Variants in CTU1 observed in about 807,000 individuals in gnomAD.
CTU1 encodes the protein cytoplasmic tRNA 2-thiolation protein 1.
CTU1 carries 15 observed loss-of-function variants against 12.9 expected under a neutral mutation model. The observed-to-expected ratio is 1.16, with a 90% CI of 0.78 to 1.79. The LOEUF (loss-of-function observed/expected upper bound fraction) is 1.79. CTU1 is among the 40% of genes most tolerant of loss of function. CTU1 has a pLI of 0.00. For synonymous variants in CTU1, 295 were observed against 275.6 expected (o/e 1.07, Z -0.70); for missense variants, 553 against 550.5 (o/e 1.00, Z -0.05).
intron 2 of CTU1, among the ~76,000 whole-genome samples, chr19:51,100,918 A>G (rs1427769146): frequency 1.5e-4 from 20 of 137,476 alleles, no homozygotes; most frequent in Non-Finnish European, 2.5e-4. Flanking sequence ...TTTTTTTTTC[A>G]TTTTGTTTTA....
At position 51,099,014 on chromosome 19, in the gene CTU1, G is replaced by A; in HGVS notation, c.634C>T (p.Pro212Ser). ...GEGGALPRCRPLQFASQKEVV... is the reference protein window; with the variant it reads ...GEGGALPRCRSLQFASQKEVV... ...TCCTTCTGCGAGGCGAACTGCAGCG[G>A]GCGGCAGCGCGGCAGGGCGCCCCCC... is the stretch of plus-strand genomic sequence containing the variant. The change falls in exon 3 of 3, where the codon CCG becomes TCG. Residue 212 changes from proline (P) to serine (S), a missense_variant. Pro to Ser is a moderately conservative substitution (Grantham distance 74). This residue lies in a region of CTU1 where 500 missense variants were observed against 458.5 expected (regional missense o/e 1.09). Coordinates refer to ENST00000421832, the MANE Select transcript of CTU1 (RefSeq NM_145232.4). The A allele has an allele frequency of 6.6e-7, 1 of 1,520,236 alleles. No homozygotes were observed. Among genetic ancestry groups the A allele is most frequent in the Non-Finnish European group, 8.8e-7 (1 of 1,138,766 alleles). The allele number at this position is 1,520,236 out of a possible 1,614,324, so 94.2% of individuals were successfully genotyped here.
chr19:51,106,067 T>C (rs1331168274), intron 1 of CTU1, among the ~76,000 whole-genome samples: 1 of 152,168 alleles, frequency 6.6e-6, no homozygotes, highest in Non-Finnish European at 1.5e-5. Context: ...TAACAGCCAG[T>C]GGGATCATGC....
chr19:51,098,599 C>A lies in CTU1; in HGVS notation c.*2G>T. 1 of 1,286,638 alleles carries A rather than the reference C, an allele frequency of 7.8e-7. No homozygotes were observed. The highest frequency in any genetic ancestry group is 9.9e-7 in the Non-Finnish European group (1 of 1,014,518). The allele number at this position is 1,286,638 out of a possible 1,614,324, so 79.7% of individuals were successfully genotyped here. ...CAGATCCCGGCGGGAGGCCCGAAGT[C>A]GCTAGAAGGTGGGGACGGCCTTGGA... On this transcript the variant is annotated 3_prime_UTR_variant, in exon 3 of 3. Transcript: ENST00000421832. This position sits in a 1 kb window ranked among gnomAD's most constrained non-coding sequence, Gnocchi z 4.3.
chr19:51,101,799 C>T, intron 2 of CTU1, among the ~76,000 whole-genome samples: 1 of 152,142 alleles, frequency 6.6e-6, no homozygotes, highest in South Asian at 2.1e-4. Context: ...CACACCTTGT[C>T]ATTACAAACC....
At position 51,098,791 on chromosome 19, in the gene CTU1, G is replaced by A; in HGVS notation, c.857C>T (p.Ala286Val). ...GGCCAGCGCCCCACAGCGGGAGCAGGCGCCGGGGCGCGGGGGCCGCGCGGC... is the reference window on the plus strand; with the variant it reads ...GGCCAGCGCCCCACAGCGGGAGCAGACGCCGGGGCGCGGGGGCCGCGCGGC... Reference protein sequence around the residue: ...APAARPPRPGACSRCGALASR... With the variant: ...APAARPPRPGVCSRCGALASR... The change falls in exon 3 of 3, where the codon GCC (alanine) becomes GTC (valine). Residue 286 changes from alanine to valine, a missense_variant. Transcript: ENST00000421832. The surrounding 1 kb of genome is among the most constrained non-coding windows in gnomAD (Gnocchi z 4.3). 1.3e-5 allele frequency: 14 copies of A among 1,045,384 alleles called. No homozygotes were observed. Among genetic ancestry groups the A allele is most frequent in the Non-Finnish European group, 1.6e-5 (14 of 869,660 alleles). 64.8% of individuals were successfully genotyped at this position (1,045,384 alleles called of 1,614,324 possible). A position where few individuals can be genotyped will look rare whatever the true frequency, so the allele number is the denominator to read the frequency against.
At chr19:51,099,826 G>A (rs2091902965) in intron 2 of CTU1, among the ~76,000 whole-genome samples, 1 of 152,180 alleles carries the variant, frequency 6.6e-6, no homozygotes, top group African/African-American at 2.4e-5. Flanking sequence ...TTGGTTGTAG[G>A]ACAAAGGGGA....
rs148672898 is a variant in CTU1, at chr19:51,100,529, G to A, written c.509-1390C>T. The stretch of plus-strand genomic sequence containing the variant: ...CATGAGAATCTCTTGAACCTGGGAG[G>A]GAGAGGTTGCAGTGAGCCGAGATCA... On this transcript the variant is annotated intron_variant, in intron 2 of 2. Transcript: ENST00000421832. Among the ~76,000 whole-genome samples, 218 of 152,180 alleles carry A rather than the reference G, an allele frequency of 1.4e-3. 1 individual carries two copies. Among genetic ancestry groups the A allele is most frequent in the African/African-American group, 5.0e-3 (209 of 41,492 alleles).
At chr19:51,102,743 G>A (rs2091910170) in intron 2 of CTU1, among the ~76,000 whole-genome samples, 1 of 152,156 alleles carries the variant, frequency 6.6e-6, no homozygotes, top group Non-Finnish European at 1.5e-5. Flanking sequence ...AGCCTCCCCT[G>A]CCCTTGCTTT....
chr19:51,104,175 C>T lies in CTU1; in HGVS notation c.395G>A (p.Arg132His), dbSNP rs868588627. 1.3e-6 allele frequency: 2 copies of T among 1,520,694 alleles called. No individual in the cohort carries two copies. The highest frequency in any genetic ancestry group is 1.8e-6 in the Non-Finnish European group (2 of 1,140,894). The allele number at this position is 1,520,694 out of a possible 1,614,324, so 94.2% of individuals were successfully genotyped here. ...GCTGCGGCCGGAGCCGGCTGTGCTGCGGGCCACGGCGTCCATCGTCCAGCC... is the reference window on the plus strand; with the variant it reads ...GCTGCGGCCGGAGCCGGCTGTGCTGTGGGCCACGGCGTCCATCGTCCAGCC... ...FGGWTMDAVA[R>H]STAGSGRSRS... Residue 132 changes from arginine to histidine, a missense_variant, in exon 2 of 3, where the codon CGC (arginine) becomes CAC (histidine). Transcript: ENST00000421832.
In CTU1 at chr19:51,098,900, C is replaced by T. The variant is rs1279728894; in HGVS notation, c.748G>A (p.Asp250Asn). 2.7e-6 allele frequency: 4 copies of T among 1,506,186 alleles called. No homozygotes were observed. The highest frequency in any genetic ancestry group is 2.7e-6 in the Non-Finnish European group (3 of 1,130,424). 93.3% of individuals were successfully genotyped at this position (1,506,186 alleles called of 1,614,324 possible). A position where few individuals can be genotyped will look rare whatever the true frequency, so the allele number is the denominator to read the frequency against. ...APEAFRGHAR[D>N]LLKRLEAARP... Reference sequence around the variant, plus strand: ...GCCGCCTCCAGGCGCTTGAGCAGGTCCCGGGCGTGGCCGCGGAAGGCCTCG... The same window carrying T: ...GCCGCCTCCAGGCGCTTGAGCAGGTTCCGGGCGTGGCCGCGGAAGGCCTCG... Residue 250 changes from aspartate to asparagine, a missense_variant, in exon 3 of 3, where the codon GAC becomes AAC. Transcript: ENST00000421832. The surrounding 1 kb of genome is among the most constrained non-coding windows in gnomAD (Gnocchi z 4.3).
Position 51,098,965 on chromosome 19 carries a change from C to T in CTU1, c.683G>A (p.Arg228His), listed in dbSNP as rs1052566840. The T allele has an allele frequency of 5.2e-6, 8 of 1,542,766 alleles. No individual in the cohort carries two copies. The African/African-American group carries it at 5.6e-5, about 11-fold the overall frequency. The stretch of plus-strand genomic sequence containing the variant: ...CTCCTCGGAGAAGTAGTCGAGGCGG[C>T]GGAAGTGCGCGTACAGCACCACCTC... ...QKEVVLYAHF[R>H]RLDYFSEECV... The change falls in exon 3 of 3, where the codon CGC becomes CAC. Residue 228 changes from arginine to histidine, a missense_variant. Arg to His is a conservative substitution (Grantham distance 29). Coordinates refer to ENST00000421832, the MANE Select transcript of CTU1 (RefSeq NM_145232.4). The surrounding 1 kb of genome is among the most constrained non-coding windows in gnomAD (Gnocchi z 4.3).
At chr19:51,099,964 G>A (rs1464375063) in intron 2 of CTU1, among the ~76,000 whole-genome samples, 3 of 152,256 alleles carry the variant, frequency 2.0e-5, no homozygotes, top group Non-Finnish European at 2.9e-5. Context: ...AGGCAGAAAA[G>A]GGAGAGATAG....
In CTU1 at chr19:51,104,118, C is replaced by T. The variant is rs778866040; in HGVS notation, c.452G>A (p.Arg151Gln). 6 of 1,494,246 alleles carry T rather than the reference C, an allele frequency of 4.0e-6. No homozygotes were observed. The highest frequency in any genetic ancestry group is 5.3e-6 in the Non-Finnish European group (6 of 1,138,622). 92.6% of individuals were successfully genotyped at this position (1,494,246 alleles called of 1,614,324 possible). The change falls in exon 2 of 3, where the codon CGG becomes CAG. Residue 151 changes from arginine to glutamine, a missense_variant. By Grantham distance (43) the Arg-to-Gln change is conservative. Transcript: ENST00000421832. ...CGCCCCTTCCTCCAGCGCCCGGCGC[C>T]GCAGCACTCCACAGAAGGTGCAGCA... ...RSCCTFCGVL[R>Q]RRALEEGARR...
At chr19:51,099,778 G>A (rs543721065) in intron 2 of CTU1, among the ~76,000 whole-genome samples, 1 of 152,280 alleles carries the variant, frequency 6.6e-6, no homozygotes, top group African/African-American at 2.4e-5. Context: ...CACCGCCTAG[G>A]GAATCCATGG....
At chr19:51,105,186 A>C (rs1358336452) in intron 1 of CTU1, among the ~76,000 whole-genome samples, 3 of 152,110 alleles carry the variant, frequency 2.0e-5, no homozygotes, top group Non-Finnish European at 4.4e-5. Flanking sequence ...GCATCCTATG[A>C]AAGGCAGGGT....
intron 1 of CTU1, 58 bp from the exon 2 acceptor site, chr19:51,104,648 G>A (rs1353101341): frequency 1.7e-6 from 2 of 1,181,138 alleles, no homozygotes; most frequent in Non-Finnish European, 2.1e-6. Flanking sequence ...CAGGGTCCCT[G>A]CCATCGGGGA....
Position 51,104,367 on chromosome 19 carries a change from GC to G in CTU1, c.202del (p.Ala68ArgfsTer101). The G allele has an allele frequency of 7.1e-7, 1 of 1,401,678 alleles. No homozygotes were observed. 86.8% of individuals were successfully genotyped at this position (1,401,678 alleles called of 1,614,324 possible). On this transcript the variant is annotated frameshift_variant, in exon 2 of 3. Coordinates refer to ENST00000421832, the MANE Select transcript of CTU1 (RefSeq NM_145232.4). LOFTEE classifies it high-confidence loss of function. ...ASGGKDSTVLAHVLRALAPRL... is the reference protein window; with the variant it reads ...ASGGKDSTVLXHVLRALAPRL... The stretch of plus-strand genomic sequence containing the variant: ...CGGCGCCAGCGCGCGCAGCACGTGC[GC>G]CAGCACCGTGGAGTCCTTGCCGCCC...
At position 51,099,140 on chromosome 19, in the gene CTU1, C is replaced by T; in HGVS notation, c.509-1G>A. On this transcript the variant is annotated splice_acceptor_variant, in intron 2 of 2. Coordinates refer to ENST00000421832, the MANE Select transcript of CTU1 (RefSeq NM_145232.4). LOFTEE classifies it high-confidence loss of function. ...TCCGCCATGTCGTCGGCGTTGTGAC[C>T]TGGTGGGGAGAGAAGGGAGCGGGTG... 1 of 1,569,480 alleles carries T rather than the reference C, an allele frequency of 6.4e-7. No individual in the cohort carries two copies. The highest frequency in any genetic ancestry group is 8.6e-7 in the Non-Finnish European group (1 of 1,167,158).
At chr19:51,103,916 A>T in intron 2 of CTU1, 146 bp downstream of exon 2, 1 of 840,632 alleles carries the variant, frequency 1.2e-6, no homozygotes, top group Admixed American at 4.1e-5. Context: ...GCACCTCCGT[A>T]CAGGGATCCT....
Sources: allele counts gnomAD v4.1 joint callset (sites outside exome capture counted in the v4.1 genomes callset), GRCh38; gene constraint gnomAD v4.1.1; regional missense constraint gnomAD v4.1.1; non-coding constraint Gnocchi (gnomAD v3.1); transcripts MANE v1.5; gene names NCBI Gene and HGNC (gene_info 2026-07-23, HGNC 2026-07-21).